The following SHISA6 variants were observed in gnomAD, a reference collection of about 807,000 sequenced individuals.
SHISA6 encodes shisa family member 6.
Under a neutral mutation model 47.9 loss-of-function variants are expected in SHISA6, and 22 were observed. The ratio of observed to expected loss-of-function variants is 0.46; its 90% CI spans 0.33 to 0.66. The LOEUF (loss-of-function observed/expected upper bound fraction) is 0.66. SHISA6 is among the 30% of genes least tolerant of loss of function. The pLI is 0.02. For synonymous variants in SHISA6, 388 were observed against 337.8 expected (o/e 1.15, Z -1.63); for missense variants, 680 against 764.6 (o/e 0.89, Z 1.30).
At chr17:11,512,747 TAA>T (rs1265613808) in intron 3 of SHISA6, among the ~76,000 whole-genome samples, 2 of 152,284 alleles carry the variant, frequency 1.3e-5, no homozygotes, top group South Asian at 4.1e-4. Context: ...TTAATATAAT[TAA>T]GAGAGTGTTA....
In SHISA6 at chr17:11,277,241, T is replaced by TTCTCTCTCTC. The variant is rs139388009; in HGVS notation, c.799+13746_799+13755dup. ...CTCCCTCCCCATCCCCGGTTTCTCT[T>TTCTCTCTCTC]TCTCTCTCTCTCTCTCTCTCTCTCT... On this transcript the variant is annotated intron_variant, in intron 2 of 5. Coordinates refer to ENST00000441885, the MANE Select transcript of SHISA6 (RefSeq NM_207386.4). Among the ~76,000 whole-genome samples the TTCTCTCTCTC allele has an allele frequency of 7.7e-3, 601 of 78,032 alleles. 14 individuals carry two copies. Among genetic ancestry groups the TTCTCTCTCTC allele is most frequent in the Non-Finnish European group, 0.011 (466 of 41,866 alleles). The allele number at this position is 78,032 out of a possible 152,430, so 51.2% of individuals were successfully genotyped here.
chr17:11,307,318 A>T (rs551692372), intron 2 of SHISA6, among the ~76,000 whole-genome samples: 2 of 152,296 alleles, frequency 1.3e-5, no homozygotes, highest in South Asian at 4.1e-4. Flanking sequence ...TCAGGTTGAC[A>T]ATGAGCTCTG....
chr17:11,342,336 G>A (rs758190041), intron 2 of SHISA6, among the ~76,000 whole-genome samples: 38 of 151,970 alleles, frequency 2.5e-4, no homozygotes, highest in Non-Finnish European at 4.7e-4. Context: ...CAACCTGAGG[G>A]GAGGTGGCAG....
chr17:11,362,502 C>T (rs1411299235), intron 2 of SHISA6, among the ~76,000 whole-genome samples: 1 of 152,194 alleles, frequency 6.6e-6, no homozygotes, highest in African/African-American at 2.4e-5. Context: ...ACCAATTTCA[C>T]TTCCTTGAAA....
chr17:11,552,004 C>A (rs938206006), intron 4 of SHISA6, 52 bp downstream of exon 4: 2 of 1,522,924 alleles, frequency 1.3e-6, no homozygotes, highest in Non-Finnish European at 8.9e-7. Flanking sequence ...CGAGTGGCAC[C>A]ATTCTAAGGA....
At chr17:11,449,509 G>A (rs1289240256) in intron 3 of SHISA6, among the ~76,000 whole-genome samples, 3 of 151,984 alleles carry the variant, frequency 2.0e-5, no homozygotes, top group East Asian at 3.9e-4. Context: ...AGAGATGAGC[G>A]AGACACTGAA....
chr17:11,327,568 G>A (rs549115499), intron 2 of SHISA6, among the ~76,000 whole-genome samples: 12 of 152,286 alleles, frequency 7.9e-5, no homozygotes, highest in Non-Finnish European at 1.5e-4. Context: ...AGGCCAAGGC[G>A]GGTGGATCAC....
At chr17:11,294,180 G>A (rs111774931) in intron 2 of SHISA6, among the ~76,000 whole-genome samples, 18,317 of 152,134 alleles carry the variant, frequency 0.12, 1,435 homozygotes, top group Non-Finnish European at 0.17. Flanking sequence ...CACCATGCCC[G>A]GCTGGTGTTA....
chr17:11,326,437 G>A (rs1910897637), intron 2 of SHISA6, among the ~76,000 whole-genome samples: 1 of 152,120 alleles, frequency 6.6e-6, no homozygotes, highest in African/African-American at 2.4e-5. Flanking sequence ...TTGTAGTATT[G>A]CAGGTTCTAA....
At chr17:11,468,287 A>G (rs1490566549) in intron 3 of SHISA6, among the ~76,000 whole-genome samples, 2 of 151,972 alleles carry the variant, frequency 1.3e-5, no homozygotes. Context: ...TTAGAGTATG[A>G]CTGTAGCCAT....
intron 3 of SHISA6, among the ~76,000 whole-genome samples, chr17:11,388,315 T>G (rs990913270): frequency 6.6e-6 from 1 of 152,216 alleles, no homozygotes; most frequent in Non-Finnish European, 1.5e-5. Flanking sequence ...GGGAATGGAC[T>G]CTGTGAAGCC....
intron 3 of SHISA6, among the ~76,000 whole-genome samples, chr17:11,431,956 T>C (rs923414928): frequency 3.3e-5 from 5 of 152,180 alleles, no homozygotes; most frequent in Non-Finnish European, 5.9e-5. Context: ...ATTATATAGA[T>C]GTAACAAACT....
At chr17:11,317,914 G>C (rs1304392735) in intron 2 of SHISA6, among the ~76,000 whole-genome samples, 1 of 151,874 alleles carries the variant, frequency 6.6e-6, no homozygotes, top group African/African-American at 2.4e-5. Flanking sequence ...GGGGTGGTAA[G>C]GTAAACCCTT....
Position 11,253,781 on chromosome 17 carries a change from C to T in SHISA6, c.639-9585C>T, listed in dbSNP as rs575012250. ...TTTTAGAATCCAACTCTCTCTCTTT[C>T]GGCTTTGAGAATTCATGTTATAAAC... On this transcript the variant is annotated intron_variant, in intron 1 of 5. Coordinates refer to ENST00000441885, the MANE Select transcript of SHISA6 (RefSeq NM_207386.4). Among the ~76,000 whole-genome samples the T allele has an allele frequency of 3.9e-4, 59 of 152,258 alleles. 1 individual carries two copies. The South Asian group carries it at 0.01, about 27-fold the overall frequency.
intron 3 of SHISA6, among the ~76,000 whole-genome samples, chr17:11,402,726 T>G (rs4293419): frequency 0.39 from 58,723 of 151,918 alleles, 11,587 homozygotes; most frequent in Middle Eastern, 0.45. Flanking sequence ...ACATATTCTT[T>G]CATGCACTGG....
At position 11,287,117 on chromosome 17, in the gene SHISA6, G is replaced by C. The variant is rs141006596; in HGVS notation, c.799+23591G>C. ...GCAGTGAGTAAAAGAAAAAATAGCC[G>C]GGCATGGTGGCATATGCTTGTAGTC... On this transcript the variant is annotated intron_variant, in intron 2 of 5. Coordinates refer to ENST00000441885, the MANE Select transcript of SHISA6 (RefSeq NM_207386.4). Among the ~76,000 whole-genome samples, 733 of 152,060 alleles carry C rather than the reference G, an allele frequency of 4.8e-3. 8 individuals are homozygous for C. Among genetic ancestry groups the C allele is most frequent in the African/African-American group, 0.016 (684 of 41,480 alleles).
intron 2 of SHISA6, among the ~76,000 whole-genome samples, chr17:11,295,960 T>C (rs919731039): frequency 1.6e-4 from 7 of 43,554 alleles, no homozygotes; most frequent in Non-Finnish European, 2.5e-4. Flanking sequence ...CGAGACTCCA[T>C]CTCAAAAAAA....
At chr17:11,375,418 T>C (rs1912766518) in intron 2 of SHISA6, among the ~76,000 whole-genome samples, 1 of 152,176 alleles carries the variant, frequency 6.6e-6, no homozygotes, top group South Asian at 2.1e-4. Flanking sequence ...ATCCGTTCTC[T>C]AGTCCAGATC....
intron 2 of SHISA6, among the ~76,000 whole-genome samples, chr17:11,330,825 T>A (rs1488872333): frequency 6.6e-6 from 1 of 152,156 alleles, no homozygotes; most frequent in Admixed American, 6.6e-5. Flanking sequence ...TCGTCTTTGG[T>A]CTGGTATCAA....
Sources: gnomAD v4.1 joint callset for allele counts (sites outside exome capture counted in the v4.1 genomes callset) on GRCh38, gnomAD v4.1.1 for gene constraint, MANE v1.5 for transcripts, NCBI Gene and HGNC (gene_info 2026-07-23, HGNC 2026-07-21) for gene names.